Variants in CCDC175 observed in about 807,000 individuals in gnomAD.
CCDC175 encodes the protein coiled-coil domain containing 175, also known as coiled-coil domain-containing protein 175.
In CCDC175, 100 loss-of-function variants were observed where a neutral mutation model predicts 114.6. That is an observed-to-expected ratio of 0.87 (90% CI 0.74 to 1.03). The LOEUF is 1.03. Ranked by LOEUF, CCDC175 falls within the 50% of genes least tolerant of loss-of-function variation. The pLI, the probability that CCDC175 is intolerant of heterozygous loss-of-function variation, is 0.00. For missense variants in CCDC175, 880 were observed against 917.8 expected, an observed-to-expected ratio of 0.96 and a Z score of 0.53; for synonymous variants, 306 against 308.7, an observed-to-expected ratio of 0.99 and a Z score of 0.09.
intron 17 of CCDC175, 123 bp downstream of exon 17, chr14:59,521,451 C>A: frequency 1.7e-6 from 1 of 595,706 alleles, no homozygotes; most frequent in East Asian, 2.9e-5. Context: ...TATCATGGGA[C>A]TTTACCTTGT....
At chr14:59,551,117 C>A (rs1895447264) in intron 8 of CCDC175, 1 of 321,482 alleles carries the variant, frequency 3.1e-6, no homozygotes, top group Non-Finnish European at 5.6e-6. Flanking sequence ...CTAAGGTACC[C>A]ATACTCACAT....
intron 9 of CCDC175, among the ~76,000 whole-genome samples, chr14:59,544,252 C>T (rs558985624): frequency 2.6e-5 from 4 of 152,182 alleles, no homozygotes; most frequent in Admixed American, 6.5e-5. Context: ...CTGTAACCTC[C>T]GCCTCCTGGG....
intron 13 of CCDC175, 41 bp downstream of exon 13, chr14:59,537,982 T>C: frequency 7.2e-7 from 1 of 1,396,716 alleles, no homozygotes; most frequent in East Asian, 2.5e-5. Context: ...CCCCCTCATG[T>C]AGTCATCCAA....
At chr14:59,560,768 T>C (rs934445617) in intron 7 of CCDC175, among the ~76,000 whole-genome samples, 3 of 152,130 alleles carry the variant, frequency 2.0e-5, no homozygotes, top group Non-Finnish European at 4.4e-5. Context: ...TCTAACAGCA[T>C]GGGTAGATGG....
intron 5 of CCDC175, 30 bp downstream of exon 5, chr14:59,565,017 G>T: frequency 7.3e-7 from 1 of 1,378,334 alleles, no homozygotes; most frequent in Non-Finnish European, 9.8e-7. Context: ...ATACATTATT[G>T]TATTTTAAAG....
chr14:59,514,999 G>A (rs1470909001), intron 17 of CCDC175, among the ~76,000 whole-genome samples: 2 of 152,174 alleles, frequency 1.3e-5, no homozygotes, highest in Non-Finnish European at 2.9e-5. Flanking sequence ...AGAAGAGAGT[G>A]GGGGCCAATA....
intron 19 of CCDC175, 43 bp downstream of exon 19, chr14:59,510,603 A>G (rs1892684450): frequency 6.5e-7 from 1 of 1,528,758 alleles, no homozygotes; most frequent in Non-Finnish European, 8.8e-7. Context: ...ATAGTAAAAT[A>G]GCAGGAAGTC....
chr14:59,527,803 T>C (rs1442872591), intron 14 of CCDC175, among the ~76,000 whole-genome samples: 1 of 152,132 alleles, frequency 6.6e-6, no homozygotes, highest in Admixed American at 6.6e-5. Flanking sequence ...ATTTCTCCCC[T>C]CTCCCTCAGA....
At chr14:59,564,979 T>G (rs886610692) in intron 5 of CCDC175, 68 bp downstream of exon 5, 3 of 1,194,914 alleles carry the variant, frequency 2.5e-6, no homozygotes, top group Non-Finnish European at 2.3e-6. Context: ...GACAAATAAA[T>G]TATTTCCCAT....
intron 17 of CCDC175, among the ~76,000 whole-genome samples, chr14:59,516,463 G>A (rs531237342): frequency 1.0e-3 from 154 of 152,098 alleles, no homozygotes; most frequent in Middle Eastern, 3.4e-3. Flanking sequence ...TCAAATAGAC[G>A]CAATAAAAAA....
intron 10 of CCDC175, 70 bp downstream of exon 10, chr14:59,543,274 C>T: frequency 1.8e-6 from 1 of 563,934 alleles, no homozygotes; most frequent in Middle Eastern, 2.7e-4. Context: ...CATAGATTTA[C>T]TGCTATCATT....
In CCDC175 at chr14:59,525,306, G is replaced by A. The variant is rs1357048955; in HGVS notation, c.1971C>T (p.Leu657=). 2.1e-6 allele frequency: 3 copies of A among 1,456,226 alleles called. No homozygotes were observed. Among genetic ancestry groups the A allele is most frequent in the African/African-American group, 1.5e-5 (1 of 68,040 alleles). The allele number at this position is 1,456,226 out of a possible 1,614,324, so 90.2% of individuals were successfully genotyped here. Residue 657 remains leucine, a synonymous_variant, in exon 16 of 20, where the codon CTC becomes CTT. Coordinates refer to ENST00000537690, the MANE Select transcript of CCDC175 (RefSeq NM_001164399.2). ...YINDQKADLL[L]LENKKLKEYI... Reference sequence around the variant, plus strand: ...CTTCTTTTAATTTTTTATTTTCCAGGAGCAGAAGATCTGCTTTTTGGTCAT... The same window carrying A: ...CTTCTTTTAATTTTTTATTTTCCAGAAGCAGAAGATCTGCTTTTTGGTCAT...
intron 7 of CCDC175, among the ~76,000 whole-genome samples, chr14:59,552,946 C>T (rs1176959339): frequency 6.6e-6 from 1 of 152,110 alleles, no homozygotes; most frequent in African/African-American, 2.4e-5. Flanking sequence ...ACAAAGCCTC[C>T]AAGAAATATG....
chr14:59,558,864 A>C (rs1413361495), intron 7 of CCDC175, among the ~76,000 whole-genome samples: 1 of 152,160 alleles, frequency 6.6e-6, no homozygotes, highest in Non-Finnish European at 1.5e-5. Flanking sequence ...AGGACTGAGA[A>C]CTTGAAATTT....
At chr14:59,505,799 G>C (rs1451887793) in intron 19 of CCDC175, among the ~76,000 whole-genome samples, 2 of 152,118 alleles carry the variant, frequency 1.3e-5, no homozygotes, top group Non-Finnish European at 2.9e-5. Flanking sequence ...TATCACTACA[G>C]TGTATGGTAC....
intron 4 of CCDC175, among the ~76,000 whole-genome samples, chr14:59,568,032 G>A (rs1896652075): frequency 6.6e-6 from 1 of 152,136 alleles, no homozygotes; most frequent in Non-Finnish European, 1.5e-5. Flanking sequence ...AAGCCTCCTG[G>A]CTGCTGTGGT....
chr14:59,523,845 C>G (rs947052040), intron 16 of CCDC175, among the ~76,000 whole-genome samples: 6 of 151,936 alleles, frequency 3.9e-5, no homozygotes, highest in Non-Finnish European at 7.4e-5. Flanking sequence ...AAAAATTAGC[C>G]GGGCATGGTG....
At position 59,540,755 on chromosome 14, in the gene CCDC175, A is replaced by G; in HGVS notation, c.1284-9T>C. 1 of 1,531,378 alleles carries G rather than the reference A, an allele frequency of 6.5e-7. No homozygotes were observed. The highest frequency in any genetic ancestry group is 1.7e-4 in the Middle Eastern group (1 of 5,958). The allele number at this position is 1,531,378 out of a possible 1,614,324, so 94.9% of individuals were successfully genotyped here. A position where few individuals can be genotyped will look rare whatever the true frequency, so the allele number is the denominator to read the frequency against. On this transcript the variant is annotated splice_polypyrimidine_tract_variant and intron_variant, in intron 10 of 19. Coordinates refer to ENST00000537690, the MANE Select transcript of CCDC175 (RefSeq NM_001164399.2). ...ACACTGTTTTTGTTGCTCTAAAAAG[A>G]AAAACATATTGGATTTTGCATTTAT...
chr14:59,537,781 C>T (rs1894493558), intron 13 of CCDC175, among the ~76,000 whole-genome samples: 1 of 152,212 alleles, frequency 6.6e-6, no homozygotes, highest in East Asian at 1.9e-4. Flanking sequence ...GTCTCTAAGG[C>T]CATTGCCAAC....
Sources: gnomAD v4.1 joint callset for allele counts (sites outside exome capture counted in the v4.1 genomes callset) on GRCh38, gnomAD v4.1.1 for gene constraint, MANE v1.5 for transcripts, NCBI Gene and HGNC (gene_info 2026-07-23, HGNC 2026-07-21) for gene names.